Variants in CCNE2 observed in about 807,000 individuals in gnomAD.
CCNE2 encodes the protein cyclin E2, also known as G1/S-specific cyclin-E2.
A neutral mutation model predicts 56.8 loss-of-function variants in CCNE2; 18 were observed. The observed-to-expected ratio is 0.32, with a 90% CI of 0.22 to 0.47. CCNE2 has a LOEUF of 0.47. Among genes scored for constraint, CCNE2 ranks in the 20% least tolerant of loss-of-function variants. The probability of loss-of-function intolerance (pLI) is 1.00; values close to 1 mark genes in which losing one functional copy is unlikely to be tolerated. For synonymous variants in CCNE2, 139 were observed against 149.2 expected (o/e 0.93, Z 0.50); for missense variants, 371 against 467.1 (o/e 0.79, Z 1.90).
chr8:94,885,743 T>G (rs1817015297), intron 7 of CCNE2, among the ~76,000 whole-genome samples, 185 bp from the exon 8 acceptor site: 1 of 149,402 alleles, frequency 6.7e-6, no homozygotes, highest in East Asian at 1.9e-4. Flanking sequence ...TTTTTTTTTT[T>G]TTTTTGAGGC....
intron 9 of CCNE2, 80 bp from the exon 10 acceptor site, chr8:94,882,972 A>AGAGAT: frequency 1.0e-6 from 1 of 973,542 alleles, no homozygotes; most frequent in Non-Finnish European, 1.6e-6. Context: ...TTAGGGATCT[A>AGAGAT]GAGATAAATA....
intron 7 of CCNE2, 21 bp downstream of exon 7, chr8:94,887,906 G>GATAAACTTTTAAGAACTTA: frequency 6.6e-7 from 1 of 1,515,078 alleles, no homozygotes; most frequent in Non-Finnish European, 8.8e-7. Context: ...TATATCTAAG[G>GATAAACTTTTAAGAACTTA]ATAAACTTTT....
At position 94,880,478 on chromosome 8, in the gene CCNE2, C is replaced by T; in HGVS notation, c.*1154G>A. The T allele has an allele frequency of 3.2e-6, 1 of 315,284 alleles. No individual in the cohort carries two copies. Among genetic ancestry groups the T allele is most frequent in the South Asian group, 1.3e-4 (1 of 7,952 alleles). 19.5% of individuals were successfully genotyped at this position (315,284 alleles called of 1,614,324 possible). The stretch of plus-strand genomic sequence containing the variant: ...TCTGATAACAAAATAAACTAGCAAT[C>T]TAGTTTTCTAATCTACTTTATGAGG... On this transcript the variant is annotated 3_prime_UTR_variant, in exon 12 of 12. Coordinates refer to ENST00000308108, the MANE Select transcript of CCNE2 (RefSeq NM_057749.3).
rs752878653 is a variant in CCNE2 at position 94,892,916 on chromosome 8, T to C, written c.219A>G (p.Glu73=). ...SGGISPCIII[E]TPHKEIGTSD... is the part of the protein sequence containing the mutation. ...TTGTTCCTATTTCTTTGTGAGGTGT[T>C]TCAATGATAATGCAAGGACTGATCC... Residue 73 remains glutamate, a synonymous_variant, in exon 5 of 12, where the codon GAA becomes GAG. Transcript: ENST00000308108. 6.5e-7 allele frequency: 1 copy of C among 1,547,712 alleles called. No individual in the cohort carries two copies.
At position 94,894,310 on chromosome 8, in the gene CCNE2, G is replaced by A. The variant is rs1817371159; in HGVS notation, c.-26-63C>T. On this transcript the variant is annotated intron_variant, in intron 1 of 11. Coordinates refer to ENST00000308108, the MANE Select transcript of CCNE2 (RefSeq NM_057749.3). ...TGTCATTCACATTCTCCAAGTGCCA[G>A]TAAGACGCTGATTCGCAGGTGAAAG... 8 of 1,549,356 alleles carry A rather than the reference G, an allele frequency of 5.2e-6. No homozygotes were observed. In the South Asian group the frequency reaches 6.7e-5, roughly 13 times the overall value.
Position 94,880,965 on chromosome 8 carries a change from G to A in CCNE2, c.*667C>T, listed in dbSNP as rs1816787131. 7.5e-6 allele frequency: 3 copies of A among 398,638 alleles called. No homozygotes were observed. Among genetic ancestry groups the A allele is most frequent in the Admixed American group, 4.4e-5 (1 of 22,712 alleles). 24.7% of individuals were successfully genotyped at this position (398,638 alleles called of 1,614,324 possible). On this transcript the variant is annotated 3_prime_UTR_variant, in exon 12 of 12. Transcript: ENST00000308108. ...TTATAATTTCTTTGGTACTCCCACT[G>A]TTTAGAGCACAGGTTGAACACCATG...
rs371518685 is a variant in CCNE2 at position 94,893,842 on chromosome 8, T to C, written c.165+49A>G. 7.2e-5 allele frequency: 109 copies of C among 1,505,434 alleles called. No individual in the cohort carries two copies. The African/African-American group carries it at 1.3e-3, about 18-fold the overall frequency. The allele number at this position is 1,505,434 out of a possible 1,614,324, so 93.3% of individuals were successfully genotyped here. On this transcript the variant is annotated intron_variant, in intron 4 of 11. Coordinates refer to ENST00000308108, the MANE Select transcript of CCNE2 (RefSeq NM_057749.3). Reference sequence around the variant, plus strand: ...AAACACATAATTCTATTCTTATTCATCTATCCTCCATTTTTCCCCCAAACC... The same window carrying C: ...AAACACATAATTCTATTCTTATTCACCTATCCTCCATTTTTCCCCCAAACC...
chr8:94,882,017 C>A, intron 11 of CCNE2, 115 bp downstream of exon 11: 1 of 1,046,808 alleles, frequency 9.6e-7, no homozygotes, highest in East Asian at 2.4e-5. Context: ...TCAGTGTGCC[C>A]CTTAGAACTT....
chr8:94,883,905 G>T (rs777665183), intron 9 of CCNE2: 2 of 456,104 alleles, frequency 4.4e-6, no homozygotes, highest in South Asian at 3.1e-5. Flanking sequence ...CAGAAGGTAG[G>T]AGAAATGGGA....
At chr8:94,893,492 AG>A (rs1817321894) in intron 4 of CCNE2, 1 of 184,912 alleles carries the variant, frequency 5.4e-6, no homozygotes, top group Non-Finnish European at 1.1e-5. Context: ...TAAAACACAT[AG>A]GAAGAAGAGG....
Position 94,893,912 on chromosome 8 carries a change from C to A in CCNE2, c.144G>T (p.Lys48Asn), listed in dbSNP as rs141409772. 4 of 1,607,322 alleles carry A rather than the reference C, an allele frequency of 2.5e-6. No individual in the cohort carries two copies. The highest frequency in any genetic ancestry group is 1.7e-6 in the Non-Finnish European group (2 of 1,175,710). The change falls in exon 4 of 12, where the codon AAG (lysine) becomes AAT (asparagine). Residue 48 changes from lysine (K) to asparagine (N), a missense_variant. Physicochemically the swap from Lys to Asn is moderately conservative, Grantham distance 94. Coordinates refer to ENST00000308108, the MANE Select transcript of CCNE2 (RefSeq NM_057749.3). ...DVKKRREEVTKKHQYEIRNCW... is the reference protein window; with the variant it reads ...DVKKRREEVTNKHQYEIRNCW... ...TTACCCTAATTTCATACTGATGTTT[C>A]TTGGTGACCTCCTCTCTTCTTTTTT... is the stretch of plus-strand genomic sequence containing the variant.
intron 4 of CCNE2, 73 bp downstream of exon 4, chr8:94,893,818 A>C (rs567427600): frequency 7.9e-5 from 113 of 1,422,156 alleles, no homozygotes; most frequent in Non-Finnish European, 1.1e-4. Context: ...CAAAGCAATA[A>C]ACACATAATT....
At chr8:94,886,234 TCAAAA>T (rs1473823492) in intron 7 of CCNE2, among the ~76,000 whole-genome samples, 2 of 151,962 alleles carry the variant, frequency 1.3e-5, no homozygotes, top group Non-Finnish European at 1.5e-5. Flanking sequence ...AATTCTAAAG[TCAAAA>T]CAAAGGAAGA....
chr8:94,892,102 G>A (rs562606172), intron 5 of CCNE2: 430 of 633,984 alleles, frequency 6.8e-4, no homozygotes, highest in Non-Finnish European at 1.1e-3. Context: ...TATGGCACAG[G>A]AGTAAATTCA....
intron 1 of CCNE2, 68 bp downstream of exon 1, chr8:94,895,109 T>C: frequency 1.1e-6 from 1 of 900,486 alleles, no homozygotes; most frequent in African/African-American, 1.8e-5. Flanking sequence ...CTCCCGCCTG[T>C]GGTAAGTGAT....
chr8:94,896,440 C>G (rs909410242), upstream of CCNE2: 1 of 152,248 alleles, frequency 6.6e-6, no homozygotes, highest in African/African-American at 2.4e-5. Flanking sequence ...AATGCCCCCA[C>G]AACTGGCGCA....
intron 8 of CCNE2, 35 bp downstream of exon 8, chr8:94,885,428 C>CT (rs1563680923): frequency 2.2e-6 from 3 of 1,364,582 alleles, no homozygotes; most frequent in South Asian, 2.5e-5. Context: ...AACATGGTTT[C>CT]TTTTTTGCAA....
rs767275352 is a variant in CCNE2 at position 94,881,665 on chromosome 8, C to T, written c.1182G>A (p.Pro394=). The T allele has an allele frequency of 7.4e-6, 12 of 1,613,464 alleles. No individual in the cohort carries two copies. The highest frequency in any genetic ancestry group is 4.0e-5 in the African/African-American group (3 of 74,838). Reference sequence around the variant, plus strand: ...TTCCTGGTGGTTTTTCAGTGCTCTTCGGTGGTGTCATAATGCCTCCATTGC... The same window carrying T: ...TTCCTGGTGGTTTTTCAGTGCTCTTTGGTGGTGTCATAATGCCTCCATTGC... ...PVCNGGIMTP[P]KSTEKPPGKH Residue 394 remains proline (P), a synonymous_variant, in exon 12 of 12, where the codon CCG becomes CCA. Transcript: ENST00000308108.
At chr8:94,893,542 A>G (rs918189568) in intron 4 of CCNE2, 1 of 226,730 alleles carries the variant, frequency 4.4e-6, no homozygotes, top group Non-Finnish European at 8.4e-6. Flanking sequence ...GTGATCTCAC[A>G]TCCTATTTAT....
Sources: gnomAD v4.1 joint callset for allele counts (sites outside exome capture counted in the v4.1 genomes callset) on GRCh38, gnomAD v4.1.1 for gene constraint, MANE v1.5 for transcripts, NCBI Gene and HGNC (gene_info 2026-07-23, HGNC 2026-07-21) for gene names.